The following PCDH9 variants were observed in gnomAD, a reference collection of about 807,000 sequenced individuals.
PCDH9 encodes the protein protocadherin-9.
A neutral mutation model predicts 70.6 loss-of-function variants in PCDH9; 24 were observed. That is an observed-to-expected ratio of 0.34 (90% CI 0.25 to 0.48). The LOEUF is 0.48. Ranked by LOEUF, PCDH9 falls within the 20% of genes least tolerant of loss-of-function variation. The pLI is 0.99. For synonymous variants in PCDH9, 562 were observed against 558.5 expected (o/e 1.01, Z -0.09); for missense variants, 1,281 against 1,503.6 (o/e 0.85, Z 2.45).
At chr13:66,689,869 CTT>C (rs948248757) in intron 3 of PCDH9, among the ~76,000 whole-genome samples, 2 of 152,088 alleles carry the variant, frequency 1.3e-5, no homozygotes, top group African/African-American at 4.8e-5. Context: ...AGGGCACAGA[CTT>C]GAGTTTTATT....
At chr13:67,087,087 TAAAAAAAA>T (rs36017495) in intron 2 of PCDH9, among the ~76,000 whole-genome samples, 2 of 123,786 alleles carry the variant, frequency 1.6e-5, no homozygotes, top group Admixed American at 1.7e-4. Flanking sequence ...TGATGTTTTG[TAAAAAAAA>T]AAAAAAAAAA....
chr13:66,668,216 G>A (rs73198522), intron 3 of PCDH9, among the ~76,000 whole-genome samples: 15,390 of 152,122 alleles, frequency 0.1, 779 homozygotes, highest in Middle Eastern at 0.17. Flanking sequence ...AGTTTGAAAA[G>A]GTGAGTGACA....
intron 4 of PCDH9, among the ~76,000 whole-genome samples, chr13:66,328,615 C>A (rs1359463993): frequency 6.6e-6 from 1 of 152,096 alleles, no homozygotes; most frequent in Non-Finnish European, 1.5e-5. Context: ...GTCTTAAGGG[C>A]AGTGGAGTGG....
chr13:66,625,563 A>G (rs2077487121), intron 4 of PCDH9, among the ~76,000 whole-genome samples: 1 of 152,130 alleles, frequency 6.6e-6, no homozygotes, highest in Non-Finnish European at 1.5e-5. Flanking sequence ...ATTATTTTTG[A>G]TAATAACTTT....
intron 3 of PCDH9, among the ~76,000 whole-genome samples, chr13:66,718,686 A>C (rs1306473470): frequency 6.6e-6 from 1 of 152,244 alleles, no homozygotes; most frequent in Non-Finnish European, 1.5e-5. Flanking sequence ...TCGAGGGAAC[A>C]ACCAAAATGG....
At chr13:66,941,834 G>T (rs553976029) in intron 2 of PCDH9, among the ~76,000 whole-genome samples, 2 of 151,958 alleles carry the variant, frequency 1.3e-5, no homozygotes, top group South Asian at 4.1e-4. Flanking sequence ...TGCAACTAAC[G>T]TTAAGAAATA....
chr13:66,934,423 C>A (rs2082870392), intron 2 of PCDH9, among the ~76,000 whole-genome samples: 2 of 151,548 alleles, frequency 1.3e-5, no homozygotes, highest in Admixed American at 1.3e-4. Flanking sequence ...TGCCTGCAAT[C>A]CCAGCTACTT....
intron 2 of PCDH9, among the ~76,000 whole-genome samples, chr13:67,014,721 T>C (rs573828534): frequency 1.0e-3 from 157 of 152,098 alleles, no homozygotes; most frequent in Non-Finnish European, 1.8e-3. Flanking sequence ...TAGTTTTGAA[T>C]TGTGTTTTTG....
At chr13:66,575,992 A>T (rs189006995) in intron 4 of PCDH9, among the ~76,000 whole-genome samples, 3 of 152,074 alleles carry the variant, frequency 2.0e-5, no homozygotes, top group African/African-American at 7.2e-5. Flanking sequence ...CACCAGATTA[A>T]AATATGTAAG....
intron 3 of PCDH9, among the ~76,000 whole-genome samples, chr13:66,879,584 T>G (rs1359396322): frequency 6.6e-6 from 1 of 152,184 alleles, no homozygotes; most frequent in African/African-American, 2.4e-5. Flanking sequence ...AAATATCAAA[T>G]AGCAATTTAG....
At chr13:67,002,574 T>TA (rs548398760) in intron 2 of PCDH9, among the ~76,000 whole-genome samples, 22 of 150,878 alleles carry the variant, frequency 1.5e-4, no homozygotes, top group Admixed American at 3.3e-4. Flanking sequence ...TTTAAGAAGA[T>TA]AAAAAAAAAC....
chr13:66,315,761 G>A (rs1408579260), intron 4 of PCDH9, among the ~76,000 whole-genome samples: 2 of 152,162 alleles, frequency 1.3e-5, no homozygotes, highest in Admixed American at 6.5e-5. Flanking sequence ...GATTACAGGC[G>A]TGAGCTACTG....
At chr13:67,047,942 T>A (rs1038898354) in intron 2 of PCDH9, among the ~76,000 whole-genome samples, 6 of 152,146 alleles carry the variant, frequency 3.9e-5, no homozygotes, top group Non-Finnish European at 8.8e-5. Context: ...CGGATTTCCT[T>A]GAAAAATCAA....
intron 2 of PCDH9, among the ~76,000 whole-genome samples, chr13:67,074,253 C>T (rs191542784): frequency 3.9e-5 from 6 of 152,084 alleles, no homozygotes; most frequent in Admixed American, 6.6e-5. Flanking sequence ...AAGCTACCCT[C>T]GTCAATGGAA....
chr13:66,685,341 G>T (rs1335369957), intron 3 of PCDH9, among the ~76,000 whole-genome samples: 1 of 152,232 alleles, frequency 6.6e-6, no homozygotes, highest in East Asian at 1.9e-4. Flanking sequence ...AGCCTTGTTG[G>T]CTTCCACATG....
In PCDH9 at chr13:66,643,933, C is replaced by T. The variant is rs193249346; in HGVS notation, c.3139-12522G>A. On this transcript the variant is annotated intron_variant, in intron 3 of 4. Transcript: ENST00000377865. ...TAAAACATGTACAAAATTTCCCACA[C>T]CTGGAGGGAACTTACTGTCTAACAC... 8.2e-3 allele frequency among the ~76,000 whole-genome samples: 1,244 copies of T among 152,050 alleles called. 14 individuals carry two copies. The highest frequency in any genetic ancestry group is 0.014 in the Non-Finnish European group (932 of 67,860).
chr13:66,680,355 G>A (rs116840305), intron 3 of PCDH9, among the ~76,000 whole-genome samples: 3,277 of 152,024 alleles, frequency 0.022, 91 homozygotes, highest in African/African-American at 0.062. Flanking sequence ...CATCTTTCCA[G>A]TATAGAATGA....
At chr13:66,659,622 C>T (rs2077980697) in intron 3 of PCDH9, among the ~76,000 whole-genome samples, 1 of 150,502 alleles carries the variant, frequency 6.6e-6, no homozygotes, top group South Asian at 2.1e-4. Flanking sequence ...ATTTTCTTCT[C>T]CAGTTTTACA....
chr13:66,937,210 G>A (rs569481232), intron 2 of PCDH9, among the ~76,000 whole-genome samples: 2 of 152,296 alleles, frequency 1.3e-5, no homozygotes, highest in Admixed American at 1.3e-4. Context: ...TGGTAACAGT[G>A]AGAGCCCTAC....
Sources: gnomAD v4.1 joint callset for allele counts (sites outside exome capture counted in the v4.1 genomes callset) on GRCh38, gnomAD v4.1.1 for gene constraint, MANE v1.5 for transcripts, NCBI Gene and HGNC (gene_info 2026-07-23, HGNC 2026-07-21) for gene names.